TENM2: variants seen among roughly 807,000 people sequenced by gnomAD.
TENM2 encodes the protein teneurin-2.
A neutral mutation model predicts 245.2 loss-of-function variants in TENM2; 52 were observed. The ratio of observed to expected loss-of-function variants is 0.21; its 90% CI spans 0.17 to 0.27. The LOEUF is 0.27. TENM2 is among the 10% of genes least tolerant of loss of function. The pLI, the probability that TENM2 is intolerant of heterozygous loss-of-function variation, is 1.00. For synonymous variants in TENM2, 1,363 were observed against 1,438.9 expected (o/e 0.95, Z 1.19); for missense variants, 3,046 against 3,666.8 (o/e 0.83, Z 4.37).
chr5:167,866,485 G>A (rs1334569124), intron 2 of TENM2, among the ~76,000 whole-genome samples: 3 of 138,160 alleles, frequency 2.2e-5, no homozygotes, highest in East Asian at 2.1e-4. Context: ...GTGACACAGT[G>A]AGACTCCATC....
intron 12 of TENM2, among the ~76,000 whole-genome samples, chr5:168,150,680 G>A (rs553047170): frequency 2.6e-5 from 4 of 152,194 alleles, no homozygotes; most frequent in Non-Finnish European, 4.4e-5. Flanking sequence ...GGGAAATGAA[G>A]TTAAAAGCAG....
chr5:167,909,068 CT>C (rs66529660), intron 3 of TENM2, among the ~76,000 whole-genome samples: 30,505 of 135,328 alleles, frequency 0.23, 3,108 homozygotes, highest in East Asian at 0.42. Context: ...TTTTCTCTCT[CT>C]TTTTTTTTTT....
chr5:167,914,156 G>A (rs1776752639), intron 3 of TENM2, among the ~76,000 whole-genome samples: 1 of 152,180 alleles, frequency 6.6e-6, no homozygotes, highest in South Asian at 2.1e-4. Context: ...TACAAGTTCA[G>A]CATTACTTCC....
intron 2 of TENM2, among the ~76,000 whole-genome samples, chr5:167,523,844 G>C (rs1770929748): frequency 6.6e-6 from 1 of 152,186 alleles, no homozygotes; most frequent in East Asian, 1.9e-4. Context: ...GCATTAATTA[G>C]TCCAATATTT....
chr5:167,798,343 A>C (rs1765464384), intron 2 of TENM2, among the ~76,000 whole-genome samples: 1 of 152,228 alleles, frequency 6.6e-6, no homozygotes, highest in African/African-American at 2.4e-5. Flanking sequence ...TAAACAACAA[A>C]GAAGCTACTG....
chr5:167,392,289 C>T (rs965847624), intron 2 of TENM2, among the ~76,000 whole-genome samples: 1 of 151,966 alleles, frequency 6.6e-6, no homozygotes, highest in Non-Finnish European at 1.5e-5. Context: ...TTGACTGGAC[C>T]GTAGGATGTC....
chr5:167,512,664 A>G (rs571416373), intron 2 of TENM2, among the ~76,000 whole-genome samples: 1 of 152,328 alleles, frequency 6.6e-6, no homozygotes, highest in Admixed American at 6.5e-5. Flanking sequence ...GGTTTGGAAG[A>G]GAACTCAGAT....
At chr5:167,780,342 A>G (rs2150827806) in intron 2 of TENM2, among the ~76,000 whole-genome samples, 1 of 152,334 alleles carries the variant, frequency 6.6e-6, no homozygotes, top group Non-Finnish European at 1.5e-5. Flanking sequence ...ACAGAGCGGT[A>G]AAAATCTTGA....
At chr5:167,018,727 AAAAGTG>A in the TENM2 span, among the ~76,000 whole-genome samples, 1 of 147,680 alleles carries the variant, frequency 6.8e-6, no homozygotes, top group Non-Finnish European at 1.5e-5. Flanking sequence ...GAGGGTAAAC[AAAAGTG>A]AAAGAAAATT....
the TENM2 span, among the ~76,000 whole-genome samples, chr5:167,154,299 G>A: frequency 6.6e-6 from 1 of 152,082 alleles, no homozygotes; most frequent in Non-Finnish European, 1.5e-5. Flanking sequence ...ATTTTTCATG[G>A]GCTGAAAATA....
the TENM2 span, among the ~76,000 whole-genome samples, chr5:167,067,294 T>G: frequency 1.4e-3 from 206 of 152,306 alleles, 2 homozygotes; most frequent in Middle Eastern, 6.8e-3. Flanking sequence ...ATTTCTAAAC[T>G]TTTGCAGAAT....
chr5:167,720,079 G>C lies in TENM2; in HGVS notation c.503-155907G>C, dbSNP rs553863367. On this transcript the variant is annotated intron_variant, in intron 2 of 28. Coordinates refer to ENST00000518659, the Ensembl canonical transcript of TENM2. ...CTAATAAACAGATTTCTTTATTATA[G>C]AATGATTCTGAGTACTTAAAAACAA... 5.3e-5 allele frequency among the ~76,000 whole-genome samples: 8 copies of C among 152,172 alleles called. No homozygotes were observed. The East Asian group carries it at 1.5e-3, about 29-fold the overall frequency.
chr5:167,813,528 G>A (rs548191177), intron 2 of TENM2, among the ~76,000 whole-genome samples: 16 of 152,168 alleles, frequency 1.1e-4, no homozygotes, highest in African/African-American at 3.6e-4. Context: ...GTTTGCTTCT[G>A]GGCTTGCAAC....
intron 9 of TENM2, among the ~76,000 whole-genome samples, chr5:168,100,642 C>T (rs990099431): frequency 6.6e-6 from 1 of 152,092 alleles, no homozygotes; most frequent in Non-Finnish European, 1.5e-5. Context: ...GAACAGAAAA[C>T]CAAACACTGC....
Position 167,319,045 on chromosome 5 carries a change from A to T in TENM2, c.226+33982A>T, listed in dbSNP as rs1756553618. Among the ~76,000 whole-genome samples, 3 of 152,222 alleles carry T rather than the reference A, an allele frequency of 2.0e-5. No individual in the cohort carries two copies. The South Asian group carries it at 6.2e-4, about 32-fold the overall frequency. On this transcript the variant is annotated intron_variant, in intron 1 of 28. Transcript: ENST00000518659. ...TGGGATATTTAGAGATTTTAAAAAA[A>T]AATCTGTTTATCAATTGATATACAG...
intron 6 of TENM2, among the ~76,000 whole-genome samples, chr5:168,055,845 C>T (rs1707791272): frequency 1.3e-5 from 2 of 152,300 alleles, no homozygotes; most frequent in South Asian, 4.1e-4. Context: ...CCCAAAGGCA[C>T]ACAGCTGGTA....
chr5:167,413,117 C>A lies in TENM2; in HGVS notation c.502+37644C>A, dbSNP rs181644672. ...CTATTTTTGGCATCATTTTCAAAAA[C>A]CTTTACCCTGGTTTATTTATTTATT... On this transcript the variant is annotated intron_variant, in intron 2 of 28. Transcript: ENST00000518659. Among the ~76,000 whole-genome samples the A allele has an allele frequency of 1.8e-4, 27 of 152,184 alleles. 1 individual carries two copies. The highest frequency in any genetic ancestry group is 6.5e-4 in the African/African-American group (27 of 41,550).
chr5:167,190,266 G>A, the TENM2 span, among the ~76,000 whole-genome samples: 2 of 152,054 alleles, frequency 1.3e-5, no homozygotes, highest in East Asian at 3.9e-4. Flanking sequence ...GATATGGCAG[G>A]GGATGAGATA....
chr5:167,069,839 C>G, the TENM2 span, among the ~76,000 whole-genome samples: 1 of 143,992 alleles, frequency 6.9e-6, no homozygotes, highest in East Asian at 1.9e-4. Flanking sequence ...GCACTGTCAT[C>G]ACAGAAAATT....
Sources: allele counts gnomAD v4.1 joint callset (sites outside exome capture counted in the v4.1 genomes callset), GRCh38; gene constraint gnomAD v4.1.1; transcripts MANE v1.5; gene names NCBI Gene and HGNC (gene_info 2026-07-23, HGNC 2026-07-21).